The following HELZ2 variants were observed in gnomAD, a reference collection of about 807,000 sequenced individuals.
The protein encoded by HELZ2 is 3'-5' exoribonuclease HELZ2.
HELZ2 carries 143 observed loss-of-function variants against 208.8 expected under a neutral mutation model. The observed-to-expected ratio is 0.68, with a 90% CI of 0.60 to 0.79. The LOEUF (loss-of-function observed/expected upper bound fraction) is 0.79, where lower values mean the gene tolerates loss of function less well. Ranked by LOEUF, HELZ2 falls within the 30% of genes least tolerant of loss-of-function variation. The pLI, the probability that HELZ2 is intolerant of heterozygous loss-of-function variation, is 0.00. For missense variants in HELZ2, 3,690 were observed against 3,794.5 expected (o/e 0.97, Z 0.72); for synonymous variants, 1,705 against 1,693.7 (o/e 1.01, Z -0.16).
upstream of HELZ2, chr20:63,574,124 C>G (rs2083037154): frequency 6.7e-6 from 1 of 149,518 alleles, no homozygotes; most frequent in Non-Finnish European, 1.5e-5. Context: ...GCTCACCCTC[C>G]TGGAGCCGCC....
rs764249986 is a variant in HELZ2, at chr20:63,564,341, C to T, written c.4481G>A (p.Arg1494Gln). ...CCGCAGGCGGTGCCGGCGCAGCAGCCGAGAGAAGTAGCACGCGGCCACGAC... is the reference window on the plus strand; with the variant it reads ...CCGCAGGCGGTGCCGGCGCAGCAGCTGAGAGAAGTAGCACGCGGCCACGAC... Residue 1494 changes from arginine (R) to glutamine (Q), a missense_variant, in exon 8 of 19, where the codon CGG (arginine) becomes CAG (glutamine). Transcript: ENST00000467148. 2.0e-5 allele frequency: 31 copies of T among 1,578,878 alleles called. No homozygotes were observed. The highest frequency in any genetic ancestry group is 6.9e-5 in the East Asian group (3 of 43,250).
At chr20:63,567,130 T>C in exon 6 of HELZ2, 1 of 1,611,356 alleles carries the variant, frequency 6.2e-7, no homozygotes, top group Non-Finnish European at 8.5e-7. Flanking sequence ...CGTGCAGCGG[T>C]AGTTCTCGTG....
At chr20:63,559,640 G>GT (rs2082860358) in intron 18 of HELZ2, among the ~76,000 whole-genome samples, 1 of 87,976 alleles carries the variant, frequency 1.1e-5, no homozygotes, top group East Asian at 4.3e-4. Context: ...TCAGGTGGGA[G>GT]GAGTCAGGGT....
At chr20:63,558,990 T>TTACAC (rs1313540046), downstream of HELZ2, 1 of 444,626 alleles carries the variant, frequency 2.2e-6, no homozygotes, top group Non-Finnish European at 4.0e-6. Context: ...CAGAACTTCC[T>TTACAC]TGCACTGGTC....
chr20:63,566,483 G>A (rs187410650), intron 6 of HELZ2, 30 bp from the exon 8 acceptor site: 5 of 1,518,820 alleles, frequency 3.3e-6, no homozygotes, highest in East Asian at 2.5e-5. Flanking sequence ...GGGGATGAGT[G>A]CTGGACGCAG....
rs1006659439 is a variant in HELZ2, at chr20:63,563,299, C to T, written c.5523G>A (p.Pro1841=). ...TCTCCTGGATGAGAGCAGCCGCCTC[C>T]GGCCAGCGCTGCAGCTCCACCAGCT... Residue 1841 remains proline (P), a synonymous_variant, in exon 8 of 19, where the codon CCG becomes CCA. Coordinates refer to ENST00000467148, the Ensembl canonical transcript of HELZ2. The T allele has an allele frequency of 8.4e-6, 13 of 1,547,250 alleles. No homozygotes were observed. The Admixed American group carries it at 1.5e-4, about 18-fold the overall frequency.
At chr20:63,567,913 ATG>A (rs1270349950) in intron 5 of HELZ2, 1 of 597,852 alleles carries the variant, frequency 1.7e-6, no homozygotes, top group Non-Finnish European at 2.9e-6. Context: ...CCCGGGACGT[ATG>A]GCCACTGTCC....
At chr20:63,563,130 G>A (rs2082908453) in exon 8 of HELZ2, 1 of 1,595,974 alleles carries the variant, frequency 6.3e-7, no homozygotes, top group Non-Finnish European at 8.5e-7. Context: ...TGAGGGCTCG[G>A]TACCAGGAAG....
At position 63,564,910 on chromosome 20, in the gene HELZ2, G is replaced by A. The variant is rs773725444; in HGVS notation, c.3912C>T (p.Tyr1304=). The A allele has an allele frequency of 2.5e-6, 4 of 1,611,908 alleles. No homozygotes were observed. In the South Asian group the frequency reaches 3.3e-5, roughly 13 times the overall value. ...GGTCCGACGGGGGCACCCTCAAGCTGTACTCCAGGCCGAGGATGCGGAGGC... is the reference window on the plus strand; with the variant it reads ...GGTCCGACGGGGGCACCCTCAAGCTATACTCCAGGCCGAGGATGCGGAGGC... Residue 1304 remains tyrosine (Y), a synonymous_variant, in exon 8 of 19, where the codon TAC becomes TAT. Coordinates refer to ENST00000467148, the Ensembl canonical transcript of HELZ2.
rs773321745 is a variant in HELZ2 at position 63,565,356 on chromosome 20, G to C, written c.3466C>G (p.Gln1156Glu). ...CCACAGTCCAGGCGGCCCCTGACCT[G>C]GATGGGGCCCGAGGAGGCATCGTCC... The change falls in exon 8 of 19, where the codon CAG (glutamine) becomes GAG (glutamate). Residue 1156 changes from glutamine to glutamate, a missense_variant. Gln to Glu is a conservative substitution (Grantham distance 29). This residue lies in a region of HELZ2 where 2,564 missense variants were observed against 2,580.5 expected (regional missense o/e 0.99). Coordinates refer to ENST00000467148, the Ensembl canonical transcript of HELZ2. 4 of 1,607,284 alleles carry C rather than the reference G, an allele frequency of 2.5e-6. No homozygotes were observed. In the African/African-American group the frequency reaches 5.3e-5, roughly 21 times the overall value.
exon 8 of HELZ2, chr20:63,565,087 G>A: frequency 6.4e-7 from 1 of 1,562,520 alleles, no homozygotes; most frequent in Non-Finnish European, 8.7e-7. Context: ...GCTGCAGCCG[G>A]CCCTTCCGGA....
intron 6 of HELZ2, 105 bp from the exon 8 acceptor site, chr20:63,566,558 C>CTCA (rs2082960290): frequency 7.0e-6 from 5 of 718,634 alleles, no homozygotes; most frequent in East Asian, 5.6e-5. Context: ...GAGCGCAGGA[C>CTCA]GCAGTGAGGA....
rs974942430 is a variant in HELZ2 at position 63,564,323 on chromosome 20, C to T, written c.4499G>A (p.Arg1500His). 2.5e-6 allele frequency: 4 copies of T among 1,589,944 alleles called. No individual in the cohort carries two copies. The South Asian group carries it at 3.4e-5, about 13-fold the overall frequency. ...CTCATAGAAGCAGTCGGACCGCAGG[C>T]GGTGCCGGCGCAGCAGCCGAGAGAA... Residue 1500 changes from arginine to histidine, a missense_variant, in exon 8 of 19, where the codon CGC becomes CAC. Physicochemically the swap from Arg to His is conservative, Grantham distance 29 (BLOSUM62 0). Transcript: ENST00000467148.
exon 8 of HELZ2, chr20:63,564,596 G>A: frequency 3.8e-6 from 6 of 1,566,626 alleles, no homozygotes; most frequent in Non-Finnish European, 5.2e-6. Flanking sequence ...GCAGAGGCTG[G>A]CCGGCAGCAT....
intron 18 of HELZ2, among the ~76,000 whole-genome samples, chr20:63,559,628 A>G (rs111169845): frequency 0.01 from 537 of 51,638 alleles, 29 homozygotes; most frequent in African/African-American, 0.014. Context: ...AGTCAGTCAG[A>G]GTCAGGTGGG....
chr20:63,560,686 G>A (rs2082876236), exon 16 of HELZ2: 1 of 1,608,652 alleles, frequency 6.2e-7, no homozygotes, highest in South Asian at 1.1e-5. Context: ...GGAAGGCACA[G>A]ATGCCCTCAT....
exon 14 of HELZ2, chr20:63,561,181 G>C: frequency 6.2e-7 from 1 of 1,613,072 alleles, no homozygotes; most frequent in Non-Finnish European, 8.5e-7. Context: ...CCAGGATTTT[G>C]AGGCTGGCAG....
At chr20:63,568,799 A>G in exon 5 of HELZ2, 1 of 1,611,776 alleles carries the variant, frequency 6.2e-7, no homozygotes, top group African/African-American at 1.3e-5. Flanking sequence ...CACCTCGAAC[A>G]CCGTATTGTC....
chr20:63,563,466 C>A, exon 8 of HELZ2: 2 of 1,523,476 alleles, frequency 1.3e-6, no homozygotes, highest in Non-Finnish European at 1.8e-6. Context: ...GGCCGGCCTG[C>A]CAGGGCGTGG....
Sources: gnomAD v4.1 joint callset for allele counts (sites outside exome capture counted in the v4.1 genomes callset) on GRCh38, gnomAD v4.1.1 for gene constraint, gnomAD v4.1.1 regional missense constraint, MANE v1.5 for transcripts, NCBI Gene and HGNC (gene_info 2026-07-23, HGNC 2026-07-21) for gene names.